The following IFT172 variants were observed in gnomAD, a reference collection of about 807,000 sequenced individuals.
The protein encoded by IFT172 is intraflagellar transport 172.
IFT172 carries 164 observed loss-of-function variants against 248.9 expected under a neutral mutation model. The observed-to-expected ratio is 0.66, with a 90% CI of 0.58 to 0.75. The LOEUF (loss-of-function observed/expected upper bound fraction) is 0.75, where lower values mean the gene tolerates loss of function less well. IFT172 is among the 30% of genes least tolerant of loss of function. The pLI is 0.00. For missense variants in IFT172, 1,950 were observed against 2,192.4 expected (o/e 0.89, Z 2.21); for synonymous variants, 729 against 791.6 (o/e 0.92, Z 1.33).
intron 14 of IFT172, among the ~76,000 whole-genome samples, chr2:27,473,621 A>G (rs534429926): frequency 6.6e-6 from 1 of 151,418 alleles, no homozygotes; most frequent in South Asian, 2.1e-4. Context: ...ATAAAGCCAT[A>G]TTTTAATGCC....
chr2:27,453,861 T>A (rs527971441), intron 33 of IFT172, 121 bp downstream of exon 33: 3 of 1,378,868 alleles, frequency 2.2e-6, no homozygotes, highest in South Asian at 2.5e-5. Flanking sequence ...CTCTTTCCTG[T>A]CTTCCCCACT....
In IFT172 at chr2:27,459,829, G is replaced by T; in HGVS notation, c.2522C>A (p.Ala841Glu). The T allele has an allele frequency of 6.2e-7, 1 of 1,610,606 alleles. No homozygotes were observed. ...GAAGGCCAATCGAGCCAGCTCTACC[G>T]CTGCCAGGGAGAGAAAAGATGCTCA... ...CYRKGNAFMK[A>E]VELARLAFPV... The change falls in exon 24 of 48, where the codon GCG becomes GAG. Residue 841 changes from alanine to glutamate, a missense_variant and splice_region_variant. Physicochemically the swap from Ala to Glu is moderately radical, Grantham distance 107 (BLOSUM62 -1). Transcript: ENST00000260570.
At chr2:27,473,363 CTG>C (rs1249295506) in intron 14 of IFT172, among the ~76,000 whole-genome samples, 1 of 133,486 alleles carries the variant, frequency 7.5e-6, no homozygotes, top group Non-Finnish European at 1.6e-5. Context: ...GAGCAAGACT[CTG>C]TCTCAAAAAA....
At chr2:27,459,912 G>T in intron 23 of IFT172, 83 bp from the exon 24 acceptor site, 1 of 1,566,396 alleles carries the variant, frequency 6.4e-7, no homozygotes, top group South Asian at 1.1e-5. Flanking sequence ...ATGAAGCATG[G>T]AGAATAGGTA....
intron 7 of IFT172, 35 bp from the exon 8 acceptor site, chr2:27,481,295 G>C: frequency 2.0e-6 from 3 of 1,531,780 alleles, no homozygotes; most frequent in Non-Finnish European, 2.7e-6. Context: ...ATCACTCTTC[G>C]AAGACTCCAC....
At chr2:27,465,284 T>C (rs1667001358) in intron 18 of IFT172, 127 bp downstream of exon 18, 2 of 747,788 alleles carry the variant, frequency 2.7e-6, no homozygotes, top group Admixed American at 3.9e-5. Flanking sequence ...AAGGGCTCTA[T>C]GCTATTTGCT....
chr2:27,467,830 A>T (rs1667222523), intron 16 of IFT172, among the ~76,000 whole-genome samples: 1 of 152,102 alleles, frequency 6.6e-6, no homozygotes, highest in South Asian at 2.1e-4. Flanking sequence ...GTATTCATAA[A>T]CACAGGAAAC....
rs780938391 is a variant in IFT172, at chr2:27,479,581, T to C, written c.933A>G (p.Glu311=). Residue 311 remains glutamate, a synonymous_variant, in exon 10 of 48, where the codon GAA becomes GAG. Coordinates refer to ENST00000260570, the MANE Select transcript of IFT172 (RefSeq NM_015662.3). ...TCCTTCGGAGGCAGCAGTCAAACTG[T>C]TCCACCCCACCACATAGTGTGCCCT... The part of the protein sequence containing the change: ...LCVGTLCGGV[E]QFDCCLRRSI... 1.9e-6 allele frequency: 3 copies of C among 1,612,688 alleles called. No homozygotes were observed. The Admixed American group carries it at 5.0e-5, about 27-fold the overall frequency.
At chr2:27,451,979 ATGTG>A (rs931015943) in intron 35 of IFT172, among the ~76,000 whole-genome samples, 1 of 116,540 alleles carries the variant, frequency 8.6e-6, no homozygotes, top group Non-Finnish European at 1.7e-5. Context: ...ATATATATGT[ATGTG>A]TGTGTGTATA....
At chr2:27,487,554 C>T (rs13001266) in intron 1 of IFT172, among the ~76,000 whole-genome samples, 7,628 of 152,206 alleles carry the variant, frequency 0.05, 271 homozygotes, top group Middle Eastern at 0.11. Context: ...CCCAAGTTCA[C>T]ATATACAGTT....
At chr2:27,482,284 A>G (rs1360577523) in intron 7 of IFT172, among the ~76,000 whole-genome samples, 1 of 150,754 alleles carries the variant, frequency 6.6e-6, no homozygotes, top group Non-Finnish European at 1.5e-5. Flanking sequence ...TGCCCGGCCT[A>G]TACAAGTAAT....
intron 16 of IFT172, among the ~76,000 whole-genome samples, chr2:27,466,537 C>T (rs184193126): frequency 2.0e-4 from 30 of 152,076 alleles, no homozygotes; most frequent in Admixed American, 7.2e-4. Context: ...GAAGCAAGAC[C>T]GAATCATCAC....
chr2:27,471,462 T>C (rs1667565714), intron 15 of IFT172, among the ~76,000 whole-genome samples: 1 of 152,222 alleles, frequency 6.6e-6, no homozygotes, highest in Non-Finnish European at 1.5e-5. Context: ...GTCATCAGGT[T>C]GTCTCTTTGA....
At chr2:27,474,424 G>T (rs186366012) in intron 14 of IFT172, among the ~76,000 whole-genome samples, 1 of 152,036 alleles carries the variant, frequency 6.6e-6, no homozygotes, top group African/African-American at 2.4e-5. Context: ...AAATTAGATC[G>T]CTACCCACAT....
At position 27,477,984 on chromosome 2, in the gene IFT172, T is replaced by C; in HGVS notation, c.1167+11A>G. On this transcript the variant is annotated intron_variant, in intron 11 of 47. Transcript: ENST00000260570. ...CCTATTCCCCACCCTACCCTCAATT[T>C]TGGTTCCTACCTCACTAAGCCGATT... 1 of 1,613,990 alleles carries C rather than the reference T, an allele frequency of 6.2e-7. No homozygotes were observed. The highest frequency in any genetic ancestry group is 8.5e-7 in the Non-Finnish European group (1 of 1,179,954).
intron 14 of IFT172, among the ~76,000 whole-genome samples, 182 bp from the exon 15 acceptor site, chr2:27,472,544 G>A (rs888511353): frequency 7.2e-5 from 11 of 152,094 alleles, no homozygotes; most frequent in Non-Finnish European, 1.5e-4. Context: ...TCACTCTCTG[G>A]GGCTTATGGA....
chr2:27,449,234 G>T, intron 39 of IFT172, 60 bp downstream of exon 39: 1 of 1,592,468 alleles, frequency 6.3e-7, no homozygotes, highest in Non-Finnish European at 8.6e-7. Flanking sequence ...GCATCTTTGA[G>T]GCAGGTGGGG....
intron 39 of IFT172, 73 bp downstream of exon 39, chr2:27,449,221 G>T: frequency 6.4e-7 from 1 of 1,561,458 alleles, no homozygotes; most frequent in South Asian, 1.1e-5. Flanking sequence ...AGGTAGAAGA[G>T]ATGCATCTTT....
At chr2:27,453,349 G>A in intron 35 of IFT172, 35 bp downstream of exon 35, 3 of 1,613,714 alleles carry the variant, frequency 1.9e-6, no homozygotes, top group East Asian at 2.2e-5. Flanking sequence ...GAGGCCTAGG[G>A]AGAAGGAGGG....
Sources: gnomAD v4.1 joint callset for allele counts (sites outside exome capture counted in the v4.1 genomes callset) on GRCh38, gnomAD v4.1.1 for gene constraint, MANE v1.5 for transcripts, NCBI Gene and HGNC (gene_info 2026-07-23, HGNC 2026-07-21) for gene names.